Variants in ITGB6 observed in about 807,000 individuals in gnomAD.
ITGB6 encodes integrin beta-6.
A neutral mutation model predicts 84.5 loss-of-function variants in ITGB6; 80 were observed. The ratio of observed to expected loss-of-function variants is 0.95; its 90% CI spans 0.79 to 1.14. The LOEUF (loss-of-function observed/expected upper bound fraction) is 1.14. Ranked by LOEUF, ITGB6 falls within the 50% of genes most tolerant of loss-of-function variation. The probability of loss-of-function intolerance (pLI) is 0.00; values close to 1 mark genes in which losing one functional copy is unlikely to be tolerated. For missense variants in ITGB6, 1,006 were observed against 968.0 expected (o/e 1.04, Z -0.52); for synonymous variants, 383 against 354.9 (o/e 1.08, Z -0.89).
At chr2:160,197,274 C>A (rs1294435231) in intron 2 of ITGB6, among the ~76,000 whole-genome samples, 2 of 151,670 alleles carry the variant, frequency 1.3e-5, no homozygotes, top group Non-Finnish European at 1.5e-5. Context: ...CTAGCCTGGG[C>A]GACAGAGCAA....
Position 160,101,824 on chromosome 2 carries a change from G to T in ITGB6, c.2279C>A (p.Pro760Gln). The change falls in exon 15 of 15, where the codon CCA (proline) becomes CAA (glutamine). Residue 760 changes from proline to glutamine, a missense_variant. Coordinates refer to ENST00000283249, the MANE Select transcript of ITGB6 (RefSeq NM_000888.5). Reference protein sequence around the residue: ...SKAKWQTGTNPLYRGSTSTFK... With the variant: ...SKAKWQTGTNQLYRGSTSTFK... ...AGTACTTGTGGATCCTCTGTAGAGTGGATTGGTTCCCTGGAAAAAAAAAAA... is the reference window on the plus strand; with the variant it reads ...AGTACTTGTGGATCCTCTGTAGAGTTGATTGGTTCCCTGGAAAAAAAAAAA... 1 of 1,508,132 alleles carries T rather than the reference G, an allele frequency of 6.6e-7. No homozygotes were observed. Among genetic ancestry groups the T allele is most frequent in the Non-Finnish European group, 8.9e-7 (1 of 1,120,346 alleles). 93.4% of individuals were successfully genotyped at this position (1,508,132 alleles called of 1,614,324 possible).
intron 9 of ITGB6, 83 bp from the exon 10 acceptor site, chr2:160,137,934 C>A: frequency 1.3e-6 from 2 of 1,539,284 alleles, no homozygotes; most frequent in East Asian, 4.5e-5. Flanking sequence ...TCAGCTTTGC[C>A]AAAAGCATTT....
At chr2:160,137,053 A>G (rs183802616) in intron 10 of ITGB6, among the ~76,000 whole-genome samples, 1 of 72,954 alleles carries the variant, frequency 1.4e-5, no homozygotes, top group Non-Finnish European at 2.5e-5. Flanking sequence ...AAGTATAAAT[A>G]AAAAAAAAAA....
intron 4 of ITGB6, 27 bp from the exon 5 acceptor site, chr2:160,174,166 G>A (rs780160419): frequency 1.3e-6 from 2 of 1,530,158 alleles, no homozygotes; most frequent in South Asian, 1.2e-5. Flanking sequence ...CAAAAATACT[G>A]TTGATGAAAT....
chr2:160,136,463 C>G (rs1292730523), intron 10 of ITGB6, among the ~76,000 whole-genome samples: 1 of 152,162 alleles, frequency 6.6e-6, no homozygotes, highest in African/African-American at 2.4e-5. Flanking sequence ...GGACTGTAAA[C>G]TAGTTCAACC....
chr2:160,138,096 T>C lies in ITGB6; in HGVS notation c.1211A>G (p.Lys404Arg). The change falls in exon 9 of 15, where the codon AAG (lysine) becomes AGG (arginine). Residue 404 changes from lysine to arginine, a missense_variant. Transcript: ENST00000283249. ...CNNGTLFQHQ[K>R]KCSHMKVGDT... ...TCCCACTTTCATGTGAGAGCATTTC[T>C]TTTGGTGTTGGAAGAGGGTACCGTT... The C allele has an allele frequency of 1.2e-6, 2 of 1,613,674 alleles. No homozygotes were observed. Among genetic ancestry groups the C allele is most frequent in the South Asian group, 2.2e-5 (2 of 90,908 alleles).
In ITGB6 at chr2:160,099,918, T is replaced by C. The variant is rs961784758; in HGVS notation, c.*1818A>G. 6.6e-6 allele frequency: 1 copy of C among 152,134 alleles called. No homozygotes were observed. The highest frequency in any genetic ancestry group is 1.5e-5 in the Non-Finnish European group (1 of 68,020). 9.4% of individuals were successfully genotyped at this position (152,134 alleles called of 1,614,324 possible). ...TTCTAAAATCCCATTCCAATAATAA[T>C]TAAAAAAACAACAGTAAGTCCACGT... On this transcript the variant is annotated 3_prime_UTR_variant, in exon 15 of 15. Transcript: ENST00000283249.
At chr2:160,198,432 T>C (rs1686427868) in intron 2 of ITGB6, among the ~76,000 whole-genome samples, 2 of 152,208 alleles carry the variant, frequency 1.3e-5, no homozygotes, top group African/African-American at 2.4e-5. Flanking sequence ...TATGATTTGA[T>C]TTATGTTTAG....
intron 4 of ITGB6, among the ~76,000 whole-genome samples, chr2:160,190,390 G>C (rs570226603): frequency 1.3e-5 from 2 of 152,232 alleles, no homozygotes; most frequent in African/African-American, 4.8e-5. Context: ...GGCATTGTTA[G>C]TCTAGACTTA....
At chr2:160,135,984 A>AT (rs1174983629) in intron 10 of ITGB6, among the ~76,000 whole-genome samples, 92 of 152,380 alleles carry the variant, frequency 6.0e-4, no homozygotes, top group African/African-American at 2.1e-3. Context: ...CATTCGGGAC[A>AT]TAGGCATGAG....
intron 6 of ITGB6, among the ~76,000 whole-genome samples, chr2:160,170,699 A>G (rs1431421570): frequency 1.3e-5 from 2 of 152,242 alleles, no homozygotes; most frequent in Non-Finnish European, 1.5e-5. Flanking sequence ...TTGAGTACAC[A>G]GGAAGTGCTC....
Position 160,101,615 on chromosome 2 carries a change from T to G in ITGB6, c.*121A>C, listed in dbSNP as rs1338399892. The G allele has an allele frequency of 1.4e-4, 92 of 677,962 alleles. 1 individual carries two copies. The South Asian group carries it at 1.5e-3, about 11-fold the overall frequency. The allele number at this position is 677,962 out of a possible 1,614,324, so 42.0% of individuals were successfully genotyped here. A position where few individuals can be genotyped will look rare whatever the true frequency, so the allele number is the denominator to read the frequency against. On this transcript the variant is annotated 3_prime_UTR_variant, in exon 15 of 15. Coordinates refer to ENST00000283249, the MANE Select transcript of ITGB6 (RefSeq NM_000888.5). ...ACCTTCATGTAGAGGATGACTTATC[T>G]GCAGATGTCCTATTATTATCTTAAA... is the stretch of plus-strand genomic sequence containing the variant.
chr2:160,191,185 C>G (rs1251573352), intron 4 of ITGB6, among the ~76,000 whole-genome samples: 2 of 152,144 alleles, frequency 1.3e-5, no homozygotes, highest in Admixed American at 1.3e-4. Flanking sequence ...ATAATCATAC[C>G]TTACTTTTTA....
At chr2:160,172,464 G>T in intron 6 of ITGB6, 105 bp downstream of exon 6, 1 of 1,095,422 alleles carries the variant, frequency 9.1e-7, no homozygotes, top group Non-Finnish European at 1.3e-6. Context: ...TAGAAAATGT[G>T]CACTGCTTTC....
At chr2:160,109,113 T>C (rs1461497554) in intron 13 of ITGB6, among the ~76,000 whole-genome samples, 1 of 152,226 alleles carries the variant, frequency 6.6e-6, no homozygotes, top group Non-Finnish European at 1.5e-5. Context: ...TCATGCTGTC[T>C]TTAAGGTAAG....
chr2:160,171,894 A>G (rs1193277509), intron 6 of ITGB6, among the ~76,000 whole-genome samples: 2 of 152,184 alleles, frequency 1.3e-5, no homozygotes, highest in African/African-American at 4.8e-5. Flanking sequence ...AGGATAATGA[A>G]GAGTTTCTCA....
At chr2:160,130,874 T>C (rs1283847876) in intron 10 of ITGB6, among the ~76,000 whole-genome samples, 3 of 152,192 alleles carry the variant, frequency 2.0e-5, no homozygotes, top group African/African-American at 7.2e-5. Context: ...TATTATTGCA[T>C]GTAGGAAGTA....
intron 4 of ITGB6, among the ~76,000 whole-genome samples, chr2:160,182,461 C>A (rs1361164324): frequency 2.6e-5 from 4 of 152,086 alleles, no homozygotes; most frequent in African/African-American, 9.7e-5. Context: ...TGAAAAGGAA[C>A]AATCAAAGCC....
At chr2:160,111,563 A>C (rs1472115174) in intron 13 of ITGB6, among the ~76,000 whole-genome samples, 2 of 150,928 alleles carry the variant, frequency 1.3e-5, no homozygotes, top group Non-Finnish European at 1.5e-5. Flanking sequence ...GATTTCAGGA[A>C]GATGATGACT....
Sources: gnomAD v4.1 joint callset for allele counts (sites outside exome capture counted in the v4.1 genomes callset) on GRCh38, gnomAD v4.1.1 for gene constraint, MANE v1.5 for transcripts, NCBI Gene and HGNC (gene_info 2026-07-23, HGNC 2026-07-21) for gene names.